Variants in RASGEF1B observed in about 807,000 individuals in gnomAD.
The protein encoded by RASGEF1B is RasGEF domain family member 1B.
In RASGEF1B, 30 loss-of-function variants were observed where a neutral mutation model predicts 65.7. The ratio of observed to expected loss-of-function variants is 0.46; its 90% CI spans 0.34 to 0.62. RASGEF1B has a LOEUF of 0.62. Ranked by LOEUF, RASGEF1B falls within the 20% of genes least tolerant of loss-of-function variation. The probability of loss-of-function intolerance (pLI) is 0.01; values close to 1 mark genes in which losing one functional copy is unlikely to be tolerated. For missense variants in RASGEF1B, 495 were observed against 580.1 expected, an observed-to-expected ratio of 0.85 and a Z score of 1.51; for synonymous variants, 175 against 194.8, an observed-to-expected ratio of 0.90 and a Z score of 0.85.
In RASGEF1B at chr4:81,432,391, A is replaced by G. The variant is rs1296612857; in HGVS notation, c.1325-20T>C. 4 of 1,543,270 alleles carry G rather than the reference A, an allele frequency of 2.6e-6. No individual in the cohort carries two copies. The highest frequency in any genetic ancestry group is 3.6e-6 in the Non-Finnish European group (4 of 1,116,888). ...AGAGAGCTACAATCAAACAAAAGAA[A>G]GTGCATTAACATTAAAGCCTTCTCC... On this transcript the variant is annotated intron_variant, in intron 12 of 13. Coordinates refer to ENST00000264400, the MANE Select transcript of RASGEF1B (RefSeq NM_152545.3).
At chr4:81,463,666 A>T (rs960565777) in intron 1 of RASGEF1B, among the ~76,000 whole-genome samples, 3 of 152,218 alleles carry the variant, frequency 2.0e-5, no homozygotes, top group African/African-American at 7.2e-5. Context: ...AATCAGCAGA[A>T]TGGTACAGAA....
chr4:81,452,064 G>A (rs1275267068), intron 4 of RASGEF1B: 3 of 152,282 alleles, frequency 2.0e-5, no homozygotes, highest in African/African-American at 7.2e-5. Context: ...TAAGCCAAGT[G>A]TGAGAAGCAA....
At chr4:81,453,843 G>A (rs1044445297) in intron 4 of RASGEF1B, 4 of 152,206 alleles carry the variant, frequency 2.6e-5, no homozygotes, top group African/African-American at 9.7e-5. Flanking sequence ...ATAGAGATGA[G>A]AAAGGAGCAA....
At chr4:81,466,450 CTT>C (rs1722806444) in intron 1 of RASGEF1B, among the ~76,000 whole-genome samples, 2 of 152,068 alleles carry the variant, frequency 1.3e-5, no homozygotes, top group Non-Finnish European at 2.9e-5. Flanking sequence ...TAAAACATGA[CTT>C]ATTTTAAATT....
chr4:81,467,548 T>C (rs1234713416), intron 1 of RASGEF1B, among the ~76,000 whole-genome samples: 1 of 152,218 alleles, frequency 6.6e-6, no homozygotes, highest in Non-Finnish European at 1.5e-5. Context: ...TTTAGCTACA[T>C]CTTCCATGCA....
chr4:81,436,194 C>T (rs1051864284), intron 10 of RASGEF1B, among the ~76,000 whole-genome samples: 1 of 151,992 alleles, frequency 6.6e-6, no homozygotes, highest in Non-Finnish European at 1.5e-5. Flanking sequence ...CATTTTATTT[C>T]TTCTTGAAGA....
intron 1 of RASGEF1B, 105 bp from the exon 2 acceptor site, chr4:81,459,619 G>T: frequency 1.2e-6 from 1 of 869,522 alleles, no homozygotes; most frequent in Non-Finnish European, 1.7e-6. Flanking sequence ...GAGAGAATAG[G>T]CAATTAAAAT....
intron 10 of RASGEF1B, among the ~76,000 whole-genome samples, chr4:81,437,399 A>G (rs1389221928): frequency 6.6e-6 from 1 of 152,218 alleles, no homozygotes; most frequent in Non-Finnish European, 1.5e-5. Flanking sequence ...GAGGATAATA[A>G]GGATACATCA....
intron 10 of RASGEF1B, among the ~76,000 whole-genome samples, chr4:81,437,497 T>C (rs955022813): frequency 6.6e-6 from 1 of 152,214 alleles, no homozygotes; most frequent in African/African-American, 2.4e-5. Flanking sequence ...AAAATAACTT[T>C]ATTTTTGTGC....
At position 81,456,637 on chromosome 4, in the gene RASGEF1B, T is replaced by A. The variant is rs1165119572; in HGVS notation, c.438+14A>T. Reference sequence around the variant, plus strand: ...TGGGAATTCCAGCAGCCGCGCTAAATTCAGGTTACCAACCTCTTCGCCACT... The same window carrying A: ...TGGGAATTCCAGCAGCCGCGCTAAAATCAGGTTACCAACCTCTTCGCCACT... On this transcript the variant is annotated intron_variant, in intron 4 of 13. Coordinates refer to ENST00000264400, the MANE Select transcript of RASGEF1B (RefSeq NM_152545.3). 6.2e-7 allele frequency: 1 copy of A among 1,613,992 alleles called. No homozygotes were observed. Among genetic ancestry groups the A allele is most frequent in the Admixed American group, 1.7e-5 (1 of 60,034 alleles).
At chr4:81,430,649 G>A (rs942237967) in intron 13 of RASGEF1B, among the ~76,000 whole-genome samples, 8 of 152,208 alleles carry the variant, frequency 5.3e-5, no homozygotes, top group African/African-American at 1.9e-4. Flanking sequence ...CATGCCCTGG[G>A]AGGGGCACAA....
intron 6 of RASGEF1B, among the ~76,000 whole-genome samples, chr4:81,446,425 T>G (rs566689344): frequency 6.6e-6 from 1 of 152,300 alleles, no homozygotes; most frequent in South Asian, 2.1e-4. Flanking sequence ...TAGTCTGGAT[T>G]GTATCTTCAG....
chr4:81,452,933 C>G (rs1224361573), intron 4 of RASGEF1B: 1 of 151,678 alleles, frequency 6.6e-6, no homozygotes, highest in Non-Finnish European at 1.5e-5. Context: ...GTAGAACTGT[C>G]CTGGTAGATT....
intron 1 of RASGEF1B, among the ~76,000 whole-genome samples, chr4:81,465,827 AT>A (rs1379383989): frequency 2.6e-5 from 4 of 152,204 alleles, no homozygotes; most frequent in African/African-American, 9.7e-5. Context: ...CTATCCCTCA[AT>A]GTCTGCAATA....
intron 13 of RASGEF1B, among the ~76,000 whole-genome samples, chr4:81,431,716 G>T (rs1721433652): frequency 6.6e-6 from 1 of 152,056 alleles, no homozygotes; most frequent in Admixed American, 6.6e-5. Context: ...TTATACCCTG[G>T]GCTGCTTTTG....
At chr4:81,438,369 C>G (rs561296714) in intron 10 of RASGEF1B, among the ~76,000 whole-genome samples, 1 of 152,324 alleles carries the variant, frequency 6.6e-6, no homozygotes, top group African/African-American at 2.4e-5. Flanking sequence ...AGGCTGGTCT[C>G]GAACTCCTGA....
At chr4:81,461,489 C>T (rs80354835) in intron 1 of RASGEF1B, among the ~76,000 whole-genome samples, 11 of 152,244 alleles carry the variant, frequency 7.2e-5, no homozygotes, top group Admixed American at 2.6e-4. Context: ...TCATTGCTAG[C>T]GCAACCATTC....
chr4:81,445,583 C>T lies in RASGEF1B; in HGVS notation c.871G>A (p.Asp291Asn), dbSNP rs141696433. ...HRARMIEYFI[D>N]VARECFNIGN... ...ATGTTAAAACACTCCCGAGCTACGTCAATGAAATACTCAATCATTCTTGCT... is the reference window on the plus strand; with the variant it reads ...ATGTTAAAACACTCCCGAGCTACGTTAATGAAATACTCAATCATTCTTGCT... Residue 291 changes from aspartate (D) to asparagine (N), a missense_variant, in exon 8 of 14, where the codon GAC becomes AAC. Physicochemically the swap from Asp to Asn is conservative, Grantham distance 23 (BLOSUM62 1). Transcript: ENST00000264400. The T allele has an allele frequency of 6.2e-7, 1 of 1,613,938 alleles. No individual in the cohort carries two copies. The highest frequency in any genetic ancestry group is 8.5e-7 in the Non-Finnish European group (1 of 1,179,976).
Position 81,447,492 on chromosome 4 carries a change from T to C in RASGEF1B, c.729+12A>G. On this transcript the variant is annotated intron_variant, in intron 6 of 13. Coordinates refer to ENST00000264400, the MANE Select transcript of RASGEF1B (RefSeq NM_152545.3). ...TTTGGTTTCAGTGCTGACCTTTGGG[T>C]AGACTGATTACCTTGTCATTATCCA... is the stretch of plus-strand genomic sequence containing the variant. The C allele has an allele frequency of 1.2e-6, 2 of 1,608,682 alleles. No homozygotes were observed. The highest frequency in any genetic ancestry group is 1.7e-6 in the Non-Finnish European group (2 of 1,175,048).
Sources: gnomAD v4.1 joint callset for allele counts (sites outside exome capture counted in the v4.1 genomes callset) on GRCh38, gnomAD v4.1.1 for gene constraint, MANE v1.5 for transcripts, NCBI Gene and HGNC (gene_info 2026-07-23, HGNC 2026-07-21) for gene names.